VGLL4: variants seen among roughly 807,000 people sequenced by gnomAD.
VGLL4 encodes the protein vestigial like family member 4, also known as transcription cofactor vestigial-like protein 4.
Under a neutral mutation model 21.0 loss-of-function variants are expected in VGLL4, and 7 were observed. The observed-to-expected ratio is 0.33, with a 90% CI of 0.19 to 0.63. The LOEUF (loss-of-function observed/expected upper bound fraction) is 0.63. Among genes scored for constraint, VGLL4 ranks in the 20% least tolerant of loss-of-function variants. The pLI is 0.78. For missense variants in VGLL4, 394 were observed against 425.7 expected (o/e 0.93, Z 0.66); for synonymous variants, 222 against 173.2 (o/e 1.28, Z -2.21).
At chr3:11,667,014 C>T (rs2076137261) in intron 2 of VGLL4, among the ~76,000 whole-genome samples, 1 of 152,214 alleles carries the variant, frequency 6.6e-6, no homozygotes, top group Admixed American at 6.5e-5. Flanking sequence ...CTCATTTGCC[C>T]TTTCTTCTAT....
At chr3:11,613,029 TA>T (rs2075092196) in intron 1 of VGLL4, among the ~76,000 whole-genome samples, 1 of 151,696 alleles carries the variant, frequency 6.6e-6, no homozygotes, top group Non-Finnish European at 1.5e-5. Flanking sequence ...GTAGAGCTTA[TA>T]AATGTTTAGA....
At chr3:11,573,339 GAAA>G in intron 2 of VGLL4, among the ~76,000 whole-genome samples, 1 of 78,800 alleles carries the variant, frequency 1.3e-5, no homozygotes, top group Non-Finnish European at 2.7e-5. Context: ...AAGAAAGAAA[GAAA>G]GAAAGAAAGA....
chr3:11,628,076 A>G (rs1046888012), intron 1 of VGLL4, among the ~76,000 whole-genome samples: 7 of 152,244 alleles, frequency 4.6e-5, no homozygotes, highest in Admixed American at 4.6e-4. Context: ...GGATCATTAT[A>G]CAACATAAAT....
chr3:11,672,944 G>A (rs966286099), intron 2 of VGLL4, among the ~76,000 whole-genome samples: 8 of 152,108 alleles, frequency 5.3e-5, no homozygotes, highest in African/African-American at 1.4e-4. Context: ...GGCAGACATC[G>A]CACAATTCAA....
In VGLL4 at chr3:11,643,626, CAG is replaced by C; in HGVS notation, c.-110_-109del. ...TCCTGGCTCTTCAACTTCACAAAGG[CAG>C]AGGCCCAGCCTCAGACTATCAAAAC... On this transcript the variant is annotated 5_prime_UTR_variant, in exon 1 of 5. Coordinates refer to ENST00000430365, the MANE Select transcript of VGLL4 (RefSeq NM_001128219.3). The C allele has an allele frequency of 1.9e-6, 3 of 1,567,446 alleles. No homozygotes were observed. Among genetic ancestry groups the C allele is most frequent in the Non-Finnish European group, 2.6e-6 (3 of 1,160,892 alleles).
chr3:11,603,304 C>A (rs1228060452), intron 1 of VGLL4, among the ~76,000 whole-genome samples: 1 of 152,150 alleles, frequency 6.6e-6, no homozygotes, highest in Non-Finnish European at 1.5e-5. Context: ...GCCAGGATTT[C>A]TTTTAAGGAT....
chr3:11,581,290 C>T (rs2074217852), intron 2 of VGLL4, among the ~76,000 whole-genome samples: 1 of 152,160 alleles, frequency 6.6e-6, no homozygotes, highest in East Asian at 1.9e-4. Flanking sequence ...TGGCCTCAAA[C>T]TCCTGACCTC....
chr3:11,637,460 A>G (rs868710092), intron 1 of VGLL4, among the ~76,000 whole-genome samples: 1 of 152,238 alleles, frequency 6.6e-6, no homozygotes, highest in African/African-American at 2.4e-5. Flanking sequence ...TTTGCAAACA[A>G]AAGAGTGAAA....
Position 11,557,089 on chromosome 3 carries a change from G to C in VGLL4, c.*1467C>G. On this transcript the variant is annotated 3_prime_UTR_variant, in exon 5 of 5. Coordinates refer to ENST00000430365, the MANE Select transcript of VGLL4 (RefSeq NM_001128219.3). ...TCACCTGGTCAGGTGCCATCGTCGT[G>C]AGCCTCTGGTGGGCCAGGTGGGACA... 6.6e-6 allele frequency: 1 copy of C among 152,512 alleles called. No homozygotes were observed. The highest frequency in any genetic ancestry group is 1.9e-4 in the East Asian group (1 of 5,324). The allele number at this position is 152,512 out of a possible 1,614,324, so 9.4% of individuals were successfully genotyped here.
At chr3:11,694,808 C>A (rs1252578648) in intron 2 of VGLL4, among the ~76,000 whole-genome samples, 6 of 152,060 alleles carry the variant, frequency 3.9e-5, no homozygotes, top group Non-Finnish European at 1.5e-5. Flanking sequence ...CATTACAGAA[C>A]CAAATCCGGC....
Position 11,558,201 on chromosome 3 carries a change from C to CT in VGLL4, c.*354dup. 1 of 337,762 alleles carries CT rather than the reference C, an allele frequency of 3.0e-6. No homozygotes were observed. 20.9% of individuals were successfully genotyped at this position (337,762 alleles called of 1,614,324 possible). On this transcript the variant is annotated 3_prime_UTR_variant, in exon 5 of 5. Coordinates refer to ENST00000430365, the MANE Select transcript of VGLL4 (RefSeq NM_001128219.3). Reference sequence around the variant, plus strand: ...AAGCAAAGGAAAAAGCACAAAGCGTCTGAGTCACCAATTCATCATGGCTTG... The same window carrying CT: ...AAGCAAAGGAAAAAGCACAAAGCGTCTTGAGTCACCAATTCATCATGGCTTG...
chr3:11,681,602 A>G (rs981870561), intron 2 of VGLL4, among the ~76,000 whole-genome samples: 3 of 152,272 alleles, frequency 2.0e-5, no homozygotes, highest in Non-Finnish European at 2.9e-5. Flanking sequence ...AAGAAAAAAC[A>G]TGAACTATTA....
chr3:11,648,383 A>C (rs2075822879), upstream of VGLL4, among the ~76,000 whole-genome samples: 1 of 152,218 alleles, frequency 6.6e-6, no homozygotes, highest in South Asian at 2.1e-4. Context: ...CAAATGTTTT[A>C]AAGATTATTT....
chr3:11,667,263 T>C (rs1375129854), intron 2 of VGLL4, among the ~76,000 whole-genome samples: 1 of 152,250 alleles, frequency 6.6e-6, no homozygotes, highest in Admixed American at 6.5e-5. Flanking sequence ...AGTGACAGGT[T>C]ACAGAGCTTG....
rs1041681226 is a variant in VGLL4 at position 11,690,016 on chromosome 3, C to G, written c.64+12955G>C. Reference sequence around the variant, plus strand: ...CTTCTCTCTCAGGCCCCAACACCCCCTCAAGGATCCCTCCCCAGACACAGT... The same window carrying G: ...CTTCTCTCTCAGGCCCCAACACCCCGTCAAGGATCCCTCCCCAGACACAGT... On this transcript the variant is annotated intron_variant, in intron 2 of 5. Coordinates refer to the VGLL4 transcript ENST00000273038. 5.3e-5 allele frequency among the ~76,000 whole-genome samples: 8 copies of G among 152,192 alleles called. 1 individual carries two copies. The South Asian group carries it at 1.4e-3, about 28-fold the overall frequency.
chr3:11,677,911 A>AAG lies in VGLL4; in HGVS notation c.64+25059_64+25060insCT, dbSNP rs1253600183. On this transcript the variant is annotated intron_variant, in intron 2 of 5. Coordinates refer to the VGLL4 transcript ENST00000273038. ...CGACAGAGCAAGACTTCGTCTTTCA[A>AAG]AAAAAAAAAAAAAAGGAAAAGAAAA... Among the ~76,000 whole-genome samples the AAG allele has an allele frequency of 1.1e-3, 157 of 149,508 alleles. 2 individuals carry two copies. The highest frequency in any genetic ancestry group is 3.5e-3 in the African/African-American group (144 of 40,810).
rs2074900849 is a variant in VGLL4, at chr3:11,605,050, GCCCACCCCCAA to G, written c.83-3039_83-3029del. On this transcript the variant is annotated intron_variant, in intron 1 of 4. Coordinates refer to ENST00000430365, the MANE Select transcript of VGLL4 (RefSeq NM_001128219.3). ...GCTTTCCATCGCCCGCCACGCCCCCGCCCACCCCCAATCCTCCACAGCTCTGTGAATTCCAT... is the reference window on the plus strand; with the variant it reads ...GCTTTCCATCGCCCGCCACGCCCCCGTCCTCCACAGCTCTGTGAATTCCAT... Among the ~76,000 whole-genome samples, 5 of 18,414 alleles carry G rather than the reference GCCCACCCCCAA, an allele frequency of 2.7e-4. 1 individual carries two copies. The highest frequency in any genetic ancestry group is 1.6e-3 in the African/African-American group (5 of 3,162). The allele number at this position is 18,414 out of a possible 152,430, so 12.1% of individuals were successfully genotyped here.
intron 1 of VGLL4, among the ~76,000 whole-genome samples, chr3:11,714,879 T>C (rs1464996259): frequency 6.6e-6 from 1 of 152,178 alleles, no homozygotes; most frequent in Non-Finnish European, 1.5e-5. Flanking sequence ...CTCACGCCTG[T>C]AACCCCAGCA....
At chr3:11,695,386 C>A (rs2076591290) in intron 2 of VGLL4, among the ~76,000 whole-genome samples, 1 of 152,056 alleles carries the variant, frequency 6.6e-6, no homozygotes, top group African/African-American at 2.4e-5. Context: ...ACACTGAATT[C>A]TTTAGGAGTA....
Sources: allele counts gnomAD v4.1 joint callset (sites outside exome capture counted in the v4.1 genomes callset), GRCh38; gene constraint gnomAD v4.1.1; transcripts MANE v1.5; gene names NCBI Gene and HGNC (gene_info 2026-07-23, HGNC 2026-07-21).